The following UTRN variants were observed in gnomAD, a reference collection of about 807,000 sequenced individuals.
UTRN encodes dystrophin-related protein 1.
A neutral mutation model predicts 463.9 loss-of-function variants in UTRN; 283 were observed. The observed-to-expected ratio is 0.61, with a 90% confidence interval of 0.55 to 0.67. The LOEUF is 0.67. Among genes scored for constraint, UTRN ranks in the 30% least tolerant of loss-of-function variants. The pLI, the probability that UTRN is intolerant of heterozygous loss-of-function variation, is 0.00. For synonymous variants in UTRN, 1,442 were observed against 1,431.5 expected, an observed-to-expected ratio of 1.01 and a Z score of -0.17; for missense variants, 3,922 against 4,084.3, an observed-to-expected ratio of 0.96 and a Z score of 1.08.
chr6:144,375,448 A>G (rs1417091225), intron 2 of UTRN, among the ~76,000 whole-genome samples: 4 of 152,078 alleles, frequency 2.6e-5, no homozygotes, highest in Non-Finnish European at 5.9e-5. Context: ...TATACCTTTC[A>G]TTTCTGGATT....
Position 144,435,909 on chromosome 6 carries a change from G to A in UTRN, c.856-26G>A. The A allele has an allele frequency of 1.9e-6, 3 of 1,610,526 alleles. No individual in the cohort carries two copies. The African/African-American group carries it at 4.0e-5, about 21-fold the overall frequency. On this transcript the variant is annotated intron_variant, in intron 9 of 74. Transcript: ENST00000367545. ...ACCTCTTGCTTTGATGATTAGTGTG[G>A]GTTTTTCTTGGCTTTGTTTTTACAG...
At chr6:144,651,149 A>G (rs867949318) in intron 51 of UTRN, among the ~76,000 whole-genome samples, 11 of 152,070 alleles carry the variant, frequency 7.2e-5, no homozygotes, top group African/African-American at 2.6e-4. Flanking sequence ...TAATAATACT[A>G]TAATAATATA....
At position 144,819,874 on chromosome 6, in the gene UTRN, G is replaced by A. The variant is rs974521616; in HGVS notation, c.9358-1008G>A. Among the ~76,000 whole-genome samples the A allele has an allele frequency of 6.9e-4, 81 of 117,796 alleles. No individual in the cohort carries two copies. In the Middle Eastern group the frequency reaches 0.013, roughly 19 times the overall value. The allele number at this position is 117,796 out of a possible 152,430, so 77.3% of individuals were successfully genotyped here. ...TCTCCTTCTCCCCTTCTCCTCCTCCGCCGCCTCCTCCTCCTCCTCCTCCTC... is the reference window on the plus strand; with the variant it reads ...TCTCCTTCTCCCCTTCTCCTCCTCCACCGCCTCCTCCTCCTCCTCCTCCTC... On this transcript the variant is annotated intron_variant, in intron 65 of 74. Coordinates refer to ENST00000367545, the MANE Select transcript of UTRN (RefSeq NM_007124.3).
intron 51 of UTRN, among the ~76,000 whole-genome samples, chr6:144,589,323 A>G (rs1312113510): frequency 6.6e-6 from 1 of 152,198 alleles, no homozygotes; most frequent in Non-Finnish European, 1.5e-5. Flanking sequence ...TAGAGTTTAC[A>G]ATGTGTTTTC....
intron 50 of UTRN, among the ~76,000 whole-genome samples, chr6:144,560,298 C>T (rs949100130): frequency 9.9e-5 from 15 of 152,048 alleles, no homozygotes; most frequent in African/African-American, 2.9e-4. Flanking sequence ...GACTGTCAGC[C>T]GTTGCTGACA....
chr6:144,776,674 A>G (rs1775352079), intron 60 of UTRN, among the ~76,000 whole-genome samples: 1 of 151,938 alleles, frequency 6.6e-6, no homozygotes, highest in African/African-American at 2.4e-5. Context: ...GGGCATCACC[A>G]TTTCATCATC....
intron 6 of UTRN, 89 bp downstream of exon 6, chr6:144,424,167 C>G (rs1785095386): frequency 6.6e-6 from 9 of 1,359,670 alleles, no homozygotes; most frequent in Non-Finnish European, 9.3e-6. Flanking sequence ...CCAAGTACCA[C>G]AAGCTGCTTG....
chr6:144,477,964 A>G (rs1791426177), intron 25 of UTRN, among the ~76,000 whole-genome samples: 1 of 152,130 alleles, frequency 6.6e-6, no homozygotes, highest in South Asian at 2.1e-4. Context: ...TTACTGATTC[A>G]AAATACAGGA....
intron 53 of UTRN, among the ~76,000 whole-genome samples, chr6:144,711,922 A>T (rs1785758117): frequency 6.6e-6 from 1 of 152,182 alleles, no homozygotes; most frequent in Non-Finnish European, 1.5e-5. Flanking sequence ...AACAAATTCT[A>T]ACATTGTCTT....
At chr6:144,493,479 T>C in intron 33 of UTRN, 23 bp downstream of exon 33, 1 of 1,602,452 alleles carries the variant, frequency 6.2e-7, no homozygotes. Context: ...GCCCCACAGC[T>C]CATCTCTCTG....
At chr6:144,490,844 C>A (rs1792992755) in intron 31 of UTRN, 85 bp from the exon 32 acceptor site, 8 of 1,418,972 alleles carry the variant, frequency 5.6e-6, no homozygotes, top group Non-Finnish European at 7.5e-6. Flanking sequence ...CTTTATGGTA[C>A]AAATTTTTAG....
rs774875029 is a variant in UTRN at position 144,406,221 on chromosome 6, C to T, written c.141+3037C>T. On this transcript the variant is annotated intron_variant, in intron 3 of 74. Coordinates refer to ENST00000367545, the MANE Select transcript of UTRN (RefSeq NM_007124.3). ...AAATCTTTGACAGACATTATTATCACATTGGTTTGAGAGTTATGACTTTAC... is the reference window on the plus strand; with the variant it reads ...AAATCTTTGACAGACATTATTATCATATTGGTTTGAGAGTTATGACTTTAC... 3.9e-5 allele frequency among the ~76,000 whole-genome samples: 6 copies of T among 152,298 alleles called. No individual in the cohort carries two copies. The South Asian group carries it at 1.2e-3, about 32-fold the overall frequency.
At chr6:144,839,354 G>A in intron 72 of UTRN, 70 bp downstream of exon 72, 1 of 1,308,944 alleles carries the variant, frequency 7.6e-7, no homozygotes, top group Non-Finnish European at 1.1e-6. Flanking sequence ...TGTGTTTCCT[G>A]TTAAGTAACA....
intron 2 of UTRN, among the ~76,000 whole-genome samples, chr6:144,370,627 G>A (rs948584697): frequency 6.6e-6 from 1 of 152,128 alleles, no homozygotes; most frequent in African/African-American, 2.4e-5. Flanking sequence ...TGAGAAGAGG[G>A]CCATCATCCT....
intron 51 of UTRN, among the ~76,000 whole-genome samples, chr6:144,632,187 C>A (rs762384893): frequency 6.6e-6 from 1 of 152,180 alleles, no homozygotes; most frequent in Admixed American, 6.5e-5. Context: ...TAAGTCTCAA[C>A]TGCACTAAGT....
chr6:144,657,349 G>T (rs1254677015), intron 51 of UTRN, among the ~76,000 whole-genome samples: 5 of 151,974 alleles, frequency 3.3e-5, no homozygotes, highest in African/African-American at 1.2e-4. Context: ...GGAGTTTTCG[G>T]TAAGTGTCAT....
chr6:144,704,050 T>C (rs1784841548), intron 53 of UTRN, among the ~76,000 whole-genome samples: 1 of 152,168 alleles, frequency 6.6e-6, no homozygotes, highest in African/African-American at 2.4e-5. Flanking sequence ...ATGCAATCCA[T>C]TGCACAAGTG....
chr6:144,332,483 A>C (rs936108648), intron 2 of UTRN, among the ~76,000 whole-genome samples: 1 of 152,192 alleles, frequency 6.6e-6, no homozygotes, highest in African/African-American at 2.4e-5. Flanking sequence ...GCCACTTAGG[A>C]TCTCCATTAA....
intron 2 of UTRN, among the ~76,000 whole-genome samples, chr6:144,298,315 C>T (rs185468770): frequency 1.1e-4 from 17 of 152,294 alleles, no homozygotes; most frequent in Middle Eastern, 3.4e-3. Flanking sequence ...CCAGTCCTTT[C>T]GCTTTTACTT....
Sources: gnomAD v4.1 joint callset for allele counts (sites outside exome capture counted in the v4.1 genomes callset) on GRCh38, gnomAD v4.1.1 for gene constraint, MANE v1.5 for transcripts, NCBI Gene and HGNC (gene_info 2026-07-23, HGNC 2026-07-21) for gene names.